Variants in KCNJ15 observed in about 807,000 individuals in gnomAD.
KCNJ15 encodes the protein ATP-sensitive inward rectifier potassium channel 15.
KCNJ15 carries 14 observed loss-of-function variants against 23.0 expected under a neutral mutation model. That is an observed-to-expected ratio of 0.61 (90% CI 0.40 to 0.95). KCNJ15 has a LOEUF of 0.95. KCNJ15 is among the 40% of genes least tolerant of loss of function. The pLI is 0.00. For synonymous variants in KCNJ15, 185 were observed against 183.2 expected (o/e 1.01, Z -0.08); for missense variants, 388 against 461.8 (o/e 0.84, Z 1.46).
At chr21:38,268,407 G>C (rs552871292) in intron 1 of KCNJ15, among the ~76,000 whole-genome samples, 1 of 142,950 alleles carries the variant, frequency 7.0e-6, no homozygotes, top group Non-Finnish European at 1.5e-5. Context: ...CATTGTAGCA[G>C]TATTGAAAGT....
chr21:38,240,376 T>C (rs1978912215), intron 1 of KCNJ15, among the ~76,000 whole-genome samples: 1 of 152,208 alleles, frequency 6.6e-6, no homozygotes, highest in South Asian at 2.1e-4. Context: ...GGTTAAAAAG[T>C]AGCTAGGAAG....
intron 1 of KCNJ15, among the ~76,000 whole-genome samples, chr21:38,261,018 C>T (rs542590130): frequency 1.3e-5 from 2 of 152,126 alleles, no homozygotes; most frequent in African/African-American, 2.4e-5. Context: ...ACAGATAACA[C>T]GAATCCTCAG....
chr21:38,296,425 G>C (rs958932673), intron 1 of KCNJ15: 5 of 152,216 alleles, frequency 3.3e-5, no homozygotes, highest in African/African-American at 9.7e-5. Context: ...GGAACCCTGG[G>C]CTAGCTTCCA....
chr21:38,264,595 A>G (rs973012312), intron 1 of KCNJ15, among the ~76,000 whole-genome samples: 3 of 152,274 alleles, frequency 2.0e-5, no homozygotes, highest in African/African-American at 7.2e-5. Flanking sequence ...TGCTATAATT[A>G]CATCTTTACT....
At chr21:38,298,057 T>C in intron 2 of KCNJ15, 1 of 152,350 alleles carries the variant, frequency 6.6e-6, no homozygotes, top group East Asian at 1.9e-4. Flanking sequence ...GGAAGATTTT[T>C]TTAGTTCCTA....
intron 1 of KCNJ15, among the ~76,000 whole-genome samples, chr21:38,295,797 ATAAAT>A (rs752023700): frequency 1.4e-4 from 21 of 152,216 alleles, no homozygotes; most frequent in South Asian, 4.1e-4. Flanking sequence ...ATAAAATTCT[ATAAAT>A]TAAGAGCCTA....
At chr21:38,254,314 T>G (rs1432061925), upstream of KCNJ15, among the ~76,000 whole-genome samples, 1 of 152,190 alleles carries the variant, frequency 6.6e-6, no homozygotes, top group Non-Finnish European at 1.5e-5. Flanking sequence ...TGGTAAACTG[T>G]CAGATCTGCA....
intron 1 of KCNJ15, among the ~76,000 whole-genome samples, chr21:38,231,224 C>T (rs1375312599): frequency 6.6e-6 from 1 of 151,990 alleles, no homozygotes; most frequent in African/African-American, 2.4e-5. Flanking sequence ...AATAAAATTG[C>T]TTTCTTAATT....
At chr21:38,295,499 G>A (rs903120359) in intron 1 of KCNJ15, among the ~76,000 whole-genome samples, 12 of 151,188 alleles carry the variant, frequency 7.9e-5, no homozygotes, top group Non-Finnish European at 1.5e-4. Flanking sequence ...CTTCAGCCTC[G>A]AAAAGCATGT....
At chr21:38,289,146 G>C (rs565953876) in intron 1 of KCNJ15, among the ~76,000 whole-genome samples, 18 of 142,270 alleles carry the variant, frequency 1.3e-4, no homozygotes, top group African/African-American at 4.6e-4. Context: ...GCAGTGAGCT[G>C]AGATCGCACC....
intron 1 of KCNJ15, among the ~76,000 whole-genome samples, chr21:38,271,946 C>T (rs984964582): frequency 1.1e-4 from 17 of 152,282 alleles, no homozygotes; most frequent in South Asian, 4.1e-4. Context: ...TAAAAAGAAA[C>T]GGCCAAAACC....
At chr21:38,244,677 T>C (rs1979244610) in intron 1 of KCNJ15, among the ~76,000 whole-genome samples, 1 of 152,068 alleles carries the variant, frequency 6.6e-6, no homozygotes, top group Admixed American at 6.5e-5. Context: ...AACATCATTA[T>C]CTCTGGTTCC....
In KCNJ15 at chr21:38,301,989, C is replaced by G. The variant is rs142706988; in HGVS notation, c.*1600C>G. On this transcript the variant is annotated 3_prime_UTR_variant, in exon 3 of 3. Transcript: ENST00000398938. ...ACGCACACACACACACATGCACACA[C>G]GCGCGTGCACACACGCACACATGCA... 6.7e-6 allele frequency: 1 copy of G among 149,362 alleles called. No homozygotes were observed. Among genetic ancestry groups the G allele is most frequent in the African/African-American group, 2.7e-5 (1 of 36,646 alleles). The allele number at this position is 149,362 out of a possible 1,614,324, so 9.3% of individuals were successfully genotyped here.
intron 1 of KCNJ15, among the ~76,000 whole-genome samples, chr21:38,293,004 A>G (rs1984778685): frequency 1.3e-5 from 2 of 151,458 alleles, no homozygotes; most frequent in African/African-American, 4.9e-5. Flanking sequence ...TCAGAACTTT[A>G]TATCTTTCCT....
In KCNJ15 at chr21:38,288,026, C is replaced by CTTTTTTTTTTTTTTTTTTTTTTTTTT. The variant is rs1171718120; in HGVS notation, c.-116-8897_-116-8896insTTTTTTTTTTTTTTTTTTTTTTTTTT. ...CCATTGTTAAATAACTTGTTTTTTTCTTTGTTTTTTTTTTTTTTTTTTTTT... is the reference window on the plus strand; with the variant it reads ...CCATTGTTAAATAACTTGTTTTTTTCTTTTTTTTTTTTTTTTTTTTTTTTTTTTTGTTTTTTTTTTTTTTTTTTTTT... On this transcript the variant is annotated intron_variant, in intron 1 of 2. Transcript: ENST00000398938. 6.9e-4 allele frequency among the ~76,000 whole-genome samples: 54 copies of CTTTTTTTTTTTTTTTTTTTTTTTTTT among 78,148 alleles called. 22 individuals are homozygous for CTTTTTTTTTTTTTTTTTTTTTTTTTT. Among genetic ancestry groups the CTTTTTTTTTTTTTTTTTTTTTTTTTT allele is most frequent in the Admixed American group, 1.0e-3 (5 of 4,950 alleles). The allele number at this position is 78,148 out of a possible 152,430, so 51.3% of individuals were successfully genotyped here. A position where few individuals can be genotyped will look rare whatever the true frequency, so the allele number is the denominator to read the frequency against.
In KCNJ15 at chr21:38,304,255, C is replaced by T. The variant is rs1006071397; in HGVS notation, c.*3866C>T. On this transcript the variant is annotated 3_prime_UTR_variant, in exon 3 of 3. Coordinates refer to ENST00000398938, the MANE Select transcript of KCNJ15 (RefSeq NM_170736.3). ...CCTAATGCTATCCCTCCCCCCTCCC[C>T]CCACCCCACAACAGTCCCCGGTGTG... 3.2e-5 allele frequency: 4 copies of T among 124,430 alleles called. No homozygotes were observed. The highest frequency in any genetic ancestry group is 1.2e-4 in the African/African-American group (4 of 33,732). The allele number at this position is 124,430 out of a possible 1,614,324, so 7.7% of individuals were successfully genotyped here.
chr21:38,292,686 C>T (rs1984728859), intron 1 of KCNJ15, among the ~76,000 whole-genome samples: 1 of 152,086 alleles, frequency 6.6e-6, no homozygotes. Context: ...TTTCACAACT[C>T]AGTTGGGTGC....
intron 1 of KCNJ15, among the ~76,000 whole-genome samples, chr21:38,236,178 G>A (rs1978589315): frequency 6.6e-6 from 1 of 152,200 alleles, no homozygotes; most frequent in Non-Finnish European, 1.5e-5. Flanking sequence ...AAATGCCATT[G>A]GGCTTATTGA....
At position 38,288,165 on chromosome 21, in the gene KCNJ15, C is replaced by T. The variant is rs1009613019; in HGVS notation, c.-116-8761C>T. Among the ~76,000 whole-genome samples the T allele has an allele frequency of 3.3e-5, 5 of 150,620 alleles. 1 individual carries two copies. The East Asian group carries it at 7.8e-4, about 24-fold the overall frequency. On this transcript the variant is annotated intron_variant, in intron 1 of 2. Transcript: ENST00000398938. ...ACGCCATTCTCCTGCCTCAGCCTCC[C>T]GAGCAGCTGGGACTACAGGCACCTG...
Sources: allele counts gnomAD v4.1 joint callset (sites outside exome capture counted in the v4.1 genomes callset), GRCh38; gene constraint gnomAD v4.1.1; transcripts MANE v1.5; gene names NCBI Gene and HGNC (gene_info 2026-07-23, HGNC 2026-07-21).